SORCS2: variants seen among roughly 807,000 people sequenced by gnomAD.
The protein encoded by SORCS2 is VPS10 domain-containing receptor SorCS2.
SORCS2 carries 100 observed loss-of-function variants against 141.6 expected under a neutral mutation model. The observed-to-expected ratio is 0.71, with a 90% CI of 0.60 to 0.83. The LOEUF is 0.83. Among genes scored for constraint, SORCS2 ranks in the 40% least tolerant of loss-of-function variants. The probability of loss-of-function intolerance (pLI) is 0.00; values close to 1 mark genes in which losing one functional copy is unlikely to be tolerated. For synonymous variants in SORCS2, 789 were observed against 676.9 expected, an observed-to-expected ratio of 1.17 and a Z score of -2.57; for missense variants, 1,646 against 1,560.2, an observed-to-expected ratio of 1.05 and a Z score of -0.93.
At position 7,741,249 on chromosome 4, in the gene SORCS2, G is replaced by C. The variant is rs537203749; in HGVS notation, c.*985G>C. On this transcript the variant is annotated 3_prime_UTR_variant, in exon 27 of 27. Transcript: ENST00000507866. ...GCTGGGAGAGGCTGAGGATGGCAGG[G>C]CTGGAAGGGCCATCAGCGTGACCCT... 1.7e-4 allele frequency: 69 copies of C among 398,956 alleles called. No homozygotes were observed. The highest frequency in any genetic ancestry group is 1.1e-3 in the African/African-American group (56 of 48,736). 24.7% of individuals were successfully genotyped at this position (398,956 alleles called of 1,614,324 possible).
At chr4:7,702,146 C>T (rs997928568) in intron 12 of SORCS2, among the ~76,000 whole-genome samples, 2 of 152,190 alleles carry the variant, frequency 1.3e-5, no homozygotes, top group African/African-American at 4.8e-5. Flanking sequence ...CGTGCTGGCC[C>T]TAGTGGGGTC....
chr4:7,453,986 T>A (rs1368584605), intron 2 of SORCS2, among the ~76,000 whole-genome samples: 34 of 72,730 alleles, frequency 4.7e-4, no homozygotes, highest in Admixed American at 1.4e-3. Context: ...TGGGGTCAGG[T>A]GCTGTGTGTT....
chr4:7,339,976 G>A (rs1180397929), intron 1 of SORCS2, among the ~76,000 whole-genome samples: 1 of 152,224 alleles, frequency 6.6e-6, no homozygotes, highest in Non-Finnish European at 1.5e-5. Context: ...CTAGGACCTT[G>A]AGGCGAGGAG....
chr4:7,399,059 CTTT>C (rs5855960), intron 2 of SORCS2, among the ~76,000 whole-genome samples: 1 of 152,000 alleles, frequency 6.6e-6, no homozygotes, highest in South Asian at 2.1e-4. Context: ...CTTTAATTTG[CTTT>C]TTTTTTGTTG....
At chr4:7,561,212 A>T (rs188527989) in intron 3 of SORCS2, among the ~76,000 whole-genome samples, 63 of 152,164 alleles carry the variant, frequency 4.1e-4, no homozygotes, top group Non-Finnish European at 1.0e-4. Context: ...TCAGTTTTTA[A>T]TTTGTCATAC....
chr4:7,246,746 T>A (rs1713124939), intron 1 of SORCS2, among the ~76,000 whole-genome samples: 2 of 152,186 alleles, frequency 1.3e-5, no homozygotes, highest in African/African-American at 4.8e-5. Flanking sequence ...TTCCCTTCCC[T>A]GGTGAGAGAT....
chr4:7,243,692 T>C (rs542081510), intron 1 of SORCS2, among the ~76,000 whole-genome samples: 5 of 152,354 alleles, frequency 3.3e-5, no homozygotes, highest in South Asian at 2.1e-4. Flanking sequence ...GCATGAATCA[T>C]GTGGTTTGCA....
chr4:7,500,339 C>T (rs970596542), intron 2 of SORCS2, among the ~76,000 whole-genome samples: 1 of 152,144 alleles, frequency 6.6e-6, no homozygotes, highest in Non-Finnish European at 1.5e-5. Context: ...TCTGTGCCGG[C>T]TCTTGGAGGT....
intron 2 of SORCS2, among the ~76,000 whole-genome samples, chr4:7,475,448 G>A (rs559537198): frequency 1.3e-5 from 2 of 152,250 alleles, no homozygotes; most frequent in Non-Finnish European, 2.9e-5. Context: ...GGCCCCCCGA[G>A]GGCCTGAGAA....
chr4:7,309,849 C>T (rs1051167895), intron 1 of SORCS2, among the ~76,000 whole-genome samples: 11 of 152,116 alleles, frequency 7.2e-5, no homozygotes, highest in African/African-American at 2.4e-4. Flanking sequence ...GTGCTGTGGT[C>T]GCCAGGCCTT....
chr4:7,470,557 T>C lies in SORCS2; in HGVS notation c.549-60973T>C, dbSNP rs538480996. ...CCAAGGAGACCCATGTGAGCTATTC[T>C]AGGAAGGAGAACCCGGTAGCTGCTG... is the stretch of plus-strand genomic sequence containing the variant. On this transcript the variant is annotated intron_variant, in intron 2 of 26. Transcript: ENST00000507866. Among the ~76,000 whole-genome samples the C allele has an allele frequency of 2.6e-5, 4 of 152,308 alleles. No individual in the cohort carries two copies. The South Asian group carries it at 8.3e-4, about 32-fold the overall frequency.
intron 4 of SORCS2, 146 bp downstream of exon 4, chr4:7,638,638 C>A (rs1577878330): frequency 2.4e-6 from 2 of 819,830 alleles, no homozygotes; most frequent in Non-Finnish European, 3.6e-6. Flanking sequence ...GGCCGGGATG[C>A]TGGACCCCGT....
chr4:7,492,750 A>C lies in SORCS2; in HGVS notation c.549-38780A>C, dbSNP rs368801691. Reference sequence around the variant, plus strand: ...TTTTAAAAATGTAAATGAATGTTTTATTTAATAAGGAAGTCAAAATCCTTT... The same window carrying C: ...TTTTAAAAATGTAAATGAATGTTTTCTTTAATAAGGAAGTCAAAATCCTTT... On this transcript the variant is annotated intron_variant, in intron 2 of 26. Transcript: ENST00000507866. Among the ~76,000 whole-genome samples, 5 of 152,358 alleles carry C rather than the reference A, an allele frequency of 3.3e-5. No homozygotes were observed. The East Asian group carries it at 5.8e-4, about 18-fold the overall frequency.
intron 2 of SORCS2, among the ~76,000 whole-genome samples, chr4:7,517,770 C>CAG (rs1239130788): frequency 6.6e-6 from 1 of 152,192 alleles, no homozygotes; most frequent in Non-Finnish European, 1.5e-5. Context: ...ACCCAGGACA[C>CAG]AGAGGCTGGG....
At chr4:7,625,504 G>A (rs941623851) in intron 3 of SORCS2, among the ~76,000 whole-genome samples, 1 of 151,940 alleles carries the variant, frequency 6.6e-6, no homozygotes, top group African/African-American at 2.4e-5. Context: ...CCCACTAGAA[G>A]GAGTTCAAGT....
chr4:7,692,910 G>A (rs1304920090), intron 11 of SORCS2, among the ~76,000 whole-genome samples: 1 of 152,192 alleles, frequency 6.6e-6, no homozygotes, highest in Non-Finnish European at 1.5e-5. Flanking sequence ...AGCCTCCAGA[G>A]GTCAGACTGC....
At chr4:7,546,678 G>A (rs550161823) in intron 3 of SORCS2, among the ~76,000 whole-genome samples, 1 of 152,282 alleles carries the variant, frequency 6.6e-6, no homozygotes, top group South Asian at 2.1e-4. Context: ...TCCTCATGGG[G>A]ACGCTGCCGT....
intron 1 of SORCS2, among the ~76,000 whole-genome samples, chr4:7,386,294 GCA>G (rs1319032583): frequency 4.1e-5 from 3 of 72,732 alleles, no homozygotes; most frequent in African/African-American, 1.8e-4. Context: ...GCACACACAT[GCA>G]CACACATACA....
At chr4:7,552,753 G>A (rs554765619) in intron 3 of SORCS2, among the ~76,000 whole-genome samples, 38 of 152,046 alleles carry the variant, frequency 2.5e-4, no homozygotes, top group Non-Finnish European at 5.0e-4. Context: ...CCACCTTCCT[G>A]CCTCTCCACT....
Sources: gnomAD v4.1 joint callset for allele counts (sites outside exome capture counted in the v4.1 genomes callset) on GRCh38, gnomAD v4.1.1 for gene constraint, MANE v1.5 for transcripts, NCBI Gene and HGNC (gene_info 2026-07-23, HGNC 2026-07-21) for gene names.